The following POR variants were observed in gnomAD, a reference collection of about 807,000 sequenced individuals.
POR encodes cytochrome p450 oxidoreductase.
POR carries 56 observed loss-of-function variants against 84.0 expected under a neutral mutation model. The ratio of observed to expected loss-of-function variants is 0.67; its 90% CI spans 0.54 to 0.83. The LOEUF (loss-of-function observed/expected upper bound fraction) is 0.83. Ranked by LOEUF, POR falls within the 40% of genes least tolerant of loss-of-function variation. The pLI is 0.00. For missense variants in POR, 938 were observed against 944.3 expected (o/e 0.99, Z 0.09); for synonymous variants, 414 against 400.5 (o/e 1.03, Z -0.40).
In POR at chr7:75,928,638, C is replaced by CGG. The variant is rs1386830196; in HGVS notation, c.-5+13460_-5+13461dup. Among the ~76,000 whole-genome samples the CGG allele has an allele frequency of 2.0e-5, 3 of 152,308 alleles. No homozygotes were observed. The East Asian group carries it at 5.8e-4, about 29-fold the overall frequency. ...CACCTTATGGAGGCCAAGGGCCTAG[C>CGG]GGAGTCACCCTGCCCACACTAGACG... On this transcript the variant is annotated intron_variant, in intron 1 of 15. Coordinates refer to ENST00000461988, the MANE Select transcript of POR (RefSeq NM_000941.3).
At chr7:75,986,104 G>C (rs1554559341) in intron 14 of POR, 36 bp downstream of exon 14, 2 of 1,576,926 alleles carry the variant, frequency 1.3e-6, no homozygotes, top group East Asian at 4.7e-5. Flanking sequence ...GTGGGCATGA[G>C]GCTGGCAGGG....
chr7:75,924,498 A>G (rs1037701451), intron 1 of POR, among the ~76,000 whole-genome samples: 4 of 152,166 alleles, frequency 2.6e-5, no homozygotes, highest in African/African-American at 4.8e-5. Flanking sequence ...CCTGGGCCAC[A>G]TGGCAAAACA....
intron 15 of POR, 36 bp from the exon 16 acceptor site, chr7:75,986,301 T>G: frequency 6.2e-7 from 1 of 1,612,686 alleles, no homozygotes; most frequent in Non-Finnish European, 8.5e-7. Context: ...CCTGCCACAG[T>G]TGGCCCAGCC....
chr7:75,954,517 C>G lies in POR; in HGVS notation c.188+337C>G, dbSNP rs192027817. Among the ~76,000 whole-genome samples, 48 of 152,118 alleles carry G rather than the reference C, an allele frequency of 3.2e-4. No individual in the cohort carries two copies. In the East Asian group the frequency reaches 8.3e-3, roughly 26 times the overall value. On this transcript the variant is annotated intron_variant, in intron 2 of 15. Transcript: ENST00000461988. ...GCAATAGCAGCGCTAGAGCTGGAAC[C>G]CTTTTTTCCATTTATTTATTTATTT...
At chr7:75,926,405 G>C (rs1351102949) in intron 1 of POR, among the ~76,000 whole-genome samples, 1 of 152,156 alleles carries the variant, frequency 6.6e-6, no homozygotes, top group African/African-American at 2.4e-5. Context: ...GCTCTGTTCC[G>C]ATACTCCTGG....
intron 12 of POR, 83 bp from the exon 13 acceptor site, chr7:75,985,496 G>C (rs1200966118): frequency 7.0e-7 from 1 of 1,424,550 alleles, no homozygotes; most frequent in African/African-American, 1.4e-5. Flanking sequence ...GGTGAGTGGG[G>C]CTGGCCTGCA....
Position 75,986,457 on chromosome 7 carries a change from C to A in POR, c.2019C>A (p.Arg673=). The change falls in exon 16 of 16, where the codon CGC becomes CGA. Residue 673 remains arginine, a synonymous_variant. Transcript: ENST00000461988. ...TCAAGAAACTGATGACCAAGGGCCG[C>A]TACTCCCTGGACGTGTGGAGCTAGG... 1.9e-6 allele frequency: 3 copies of A among 1,611,532 alleles called. No homozygotes were observed. The highest frequency in any genetic ancestry group is 2.7e-5 in the African/African-American group (2 of 75,068).
intron 1 of POR, among the ~76,000 whole-genome samples, chr7:75,935,619 T>TG (rs1807632596): frequency 8.4e-5 from 11 of 131,286 alleles, no homozygotes; most frequent in South Asian, 2.8e-4. Flanking sequence ...TGCTCGGGGC[T>TG]TGTGTGTGTG....
At chr7:75,968,274 CA>C (rs1554555636) in intron 2 of POR, 2 of 468,008 alleles carry the variant, frequency 4.3e-6, no homozygotes. Flanking sequence ...GAGTTAACAG[CA>C]AGGTCAGCCA....
intron 2 of POR, among the ~76,000 whole-genome samples, chr7:75,959,517 G>A (rs547858070): frequency 9.9e-5 from 15 of 152,154 alleles, no homozygotes; most frequent in African/African-American, 1.9e-4. Context: ...GTGCTATGGC[G>A]CGATATCAGT....
At chr7:75,967,577 C>T (rs1283237580) in intron 2 of POR, among the ~76,000 whole-genome samples, 1 of 151,896 alleles carries the variant, frequency 6.6e-6, no homozygotes, top group East Asian at 1.9e-4. Flanking sequence ...GGAGTGCAGC[C>T]CTGCCATAGC....
chr7:75,940,186 T>A (rs1807906899), intron 1 of POR, among the ~76,000 whole-genome samples: 1 of 152,132 alleles, frequency 6.6e-6, no homozygotes, highest in Non-Finnish European at 1.5e-5. Context: ...TGGGTTCAAG[T>A]GATTCTCCTG....
At chr7:75,960,652 T>TCTCTCCTGTGGGCCC (rs1554554381) in intron 2 of POR, among the ~76,000 whole-genome samples, 37 of 152,250 alleles carry the variant, frequency 2.4e-4, no homozygotes, top group African/African-American at 8.7e-4. Context: ...CCTGTGGGCC[T>TCTCTCCTGTGGGCCC]GGCAGCTTTG....
intron 1 of POR, among the ~76,000 whole-genome samples, chr7:75,950,916 G>A (rs868967473): frequency 6.6e-6 from 1 of 151,626 alleles, no homozygotes; most frequent in Non-Finnish European, 1.5e-5. Context: ...AAAATTAGCC[G>A]GGTGTGGTGG....
intron 1 of POR, among the ~76,000 whole-genome samples, chr7:75,937,385 T>G (rs1418792387): frequency 6.8e-6 from 1 of 147,592 alleles, no homozygotes; most frequent in African/African-American, 2.5e-5. Flanking sequence ...GGCAGGAGAA[T>G]TGCTTGAACC....
At chr7:75,920,386 C>A (rs1409296345) in intron 1 of POR, among the ~76,000 whole-genome samples, 2 of 151,962 alleles carry the variant, frequency 1.3e-5, no homozygotes, top group Non-Finnish European at 2.9e-5. Context: ...GAATTGAATT[C>A]TTTAGGAGAC....
chr7:75,918,248 G>A (rs527304976), intron 1 of POR, among the ~76,000 whole-genome samples: 1 of 152,296 alleles, frequency 6.6e-6, no homozygotes, highest in South Asian at 2.1e-4. Flanking sequence ...GGAGGTTGCA[G>A]TGAGCCGAGA....
rs200575911 is a variant in POR at position 75,933,376 on chromosome 7, G to GTTTTTTTTT, written c.-5+18219_-5+18227dup. On this transcript the variant is annotated intron_variant, in intron 1 of 15. Transcript: ENST00000461988. ...TCACCATGTTATACAATAGGTCTTT[G>GTTTTTTTTT]TTTTTTTTTTTTTTTTTTTTTTTTT... is the stretch of plus-strand genomic sequence containing the variant. Among the ~76,000 whole-genome samples, 34 of 92,112 alleles carry GTTTTTTTTT rather than the reference G, an allele frequency of 3.7e-4. 1 individual carries two copies. The highest frequency in any genetic ancestry group is 5.2e-4 in the Non-Finnish European group (21 of 40,454). 60.4% of individuals were successfully genotyped at this position (92,112 alleles called of 152,430 possible).
intron 1 of POR, among the ~76,000 whole-genome samples, chr7:75,934,119 C>A (rs1424369547): frequency 1.7e-5 from 2 of 115,138 alleles, no homozygotes; most frequent in Non-Finnish European, 3.5e-5. Context: ...TCCAAGACCT[C>A]AGAGTGTGTG....
Sources: allele counts gnomAD v4.1 joint callset (sites outside exome capture counted in the v4.1 genomes callset), GRCh38; gene constraint gnomAD v4.1.1; transcripts MANE v1.5; gene names NCBI Gene and HGNC (gene_info 2026-07-23, HGNC 2026-07-21).